Variants in CACNB2 observed in about 807,000 individuals in gnomAD.
CACNB2 encodes voltage-dependent L-type calcium channel subunit beta-2.
Under a neutral mutation model 73.3 loss-of-function variants are expected in CACNB2, and 42 were observed. That is an observed-to-expected ratio of 0.57 (90% confidence interval 0.45 to 0.74). CACNB2 has a LOEUF of 0.74. CACNB2 is among the 30% of genes least tolerant of loss of function. The probability of loss-of-function intolerance (pLI) is 0.00; values close to 1 mark genes in which losing one functional copy is unlikely to be tolerated. For missense variants in CACNB2, 940 were observed against 853.0 expected (o/e 1.10, Z -1.27); for synonymous variants, 348 against 310.3 (o/e 1.12, Z -1.28).
chr10:18,316,874 C>A (rs1218096513), intron 2 of CACNB2, among the ~76,000 whole-genome samples: 2 of 152,168 alleles, frequency 1.3e-5, no homozygotes, highest in Non-Finnish European at 2.9e-5. Context: ...ACTGTCTTAG[C>A]CCCAGCAGAC....
chr10:18,520,439 T>G (rs1319812700), intron 9 of CACNB2, among the ~76,000 whole-genome samples: 1 of 152,204 alleles, frequency 6.6e-6, no homozygotes, highest in Non-Finnish European at 1.5e-5. Flanking sequence ...CTTCATCTCT[T>G]CCCTGGATTG....
chr10:18,448,479 T>TAAAAAA (rs56255761), intron 3 of CACNB2, among the ~76,000 whole-genome samples: 59 of 106,882 alleles, frequency 5.5e-4, no homozygotes, highest in Middle Eastern at 5.4e-3. Context: ...CTCTCTCATT[T>TAAAAAA]AAAAAAAAAA....
chr10:18,220,144 T>TATAC lies in CACNB2; in HGVS notation c.213+69172_213+69173insCATA, dbSNP rs1554772278. Reference sequence around the variant, plus strand: ...ATATATATATATATATATATATATATATATATATATACACACACACACACA... The same window carrying TATAC: ...ATATATATATATATATATATATATATATACATATATATATACACACACACACACA... On this transcript the variant is annotated intron_variant, in intron 2 of 13. Transcript: ENST00000324631. Among the ~76,000 whole-genome samples the TATAC allele has an allele frequency of 3.9e-4, 15 of 38,950 alleles. 1 individual carries two copies. Among genetic ancestry groups the TATAC allele is most frequent in the Non-Finnish European group, 4.7e-4 (12 of 25,514 alleles). 25.6% of individuals were successfully genotyped at this position (38,950 alleles called of 152,430 possible). A position where few individuals can be genotyped will look rare whatever the true frequency, so the allele number is the denominator to read the frequency against.
intron 2 of CACNB2, among the ~76,000 whole-genome samples, chr10:18,350,290 A>T (rs1256381505): frequency 6.6e-6 from 1 of 152,156 alleles, no homozygotes; most frequent in Non-Finnish European, 1.5e-5. Context: ...AATAATTCTC[A>T]TAACAACCCA....
At chr10:18,307,594 G>C (rs2039784973) in intron 2 of CACNB2, among the ~76,000 whole-genome samples, 2 of 152,258 alleles carry the variant, frequency 1.3e-5, no homozygotes, top group Non-Finnish European at 2.9e-5. Flanking sequence ...TTCATACCAA[G>C]TTCCCAGCAC....
At chr10:18,468,607 A>G (rs1158940208) in intron 3 of CACNB2, among the ~76,000 whole-genome samples, 1 of 151,792 alleles carries the variant, frequency 6.6e-6, no homozygotes, top group Non-Finnish European at 1.5e-5. Flanking sequence ...GTTTTGTTTT[A>G]TTTTGTTTTG....
chr10:18,250,180 C>T (rs1331914035), intron 2 of CACNB2, among the ~76,000 whole-genome samples: 1 of 152,184 alleles, frequency 6.6e-6, no homozygotes, highest in Admixed American at 6.5e-5. Flanking sequence ...TCTGTGTTTC[C>T]TCATTAGCTC....
intron 2 of CACNB2, among the ~76,000 whole-genome samples, chr10:18,282,710 T>C (rs955808890): frequency 1.3e-5 from 2 of 152,196 alleles, no homozygotes; most frequent in African/African-American, 2.4e-5. Flanking sequence ...TGTGTTTTTT[T>C]CCTTTTATTG....
intron 3 of CACNB2, among the ~76,000 whole-genome samples, chr10:18,472,038 C>G (rs1348561098): frequency 1.3e-5 from 2 of 152,180 alleles, no homozygotes; most frequent in East Asian, 1.9e-4. Flanking sequence ...AGTCATCTCT[C>G]TGGCTCCTTC....
chr10:18,261,026 A>G (rs2037511999), intron 2 of CACNB2: 5 of 1,381,812 alleles, frequency 3.6e-6, no homozygotes, highest in Admixed American at 3.0e-5. Context: ...ACCCCCTTGA[A>G]GAAGATCTCA....
At chr10:18,339,952 T>A (rs191969472) in intron 2 of CACNB2, among the ~76,000 whole-genome samples, 9 of 152,308 alleles carry the variant, frequency 5.9e-5, no homozygotes, top group South Asian at 4.1e-4. Context: ...TCAGATTTTT[T>A]AAAAATATTT....
At chr10:18,150,855 C>CTTTTTT (rs71402148) in intron 1 of CACNB2, 28 bp from the exon 2 acceptor site, 6,207 of 483,102 alleles carry the variant, frequency 0.013, 795 homozygotes, top group Admixed American at 0.015. Flanking sequence ...TCTTATTTGT[C>CTTTTTT]TTTTTTTTTT....
intron 3 of CACNB2, among the ~76,000 whole-genome samples, chr10:18,472,591 C>T (rs1285095179): frequency 6.6e-6 from 1 of 152,168 alleles, no homozygotes; most frequent in Non-Finnish European, 1.5e-5. Flanking sequence ...TAAAAGCCAC[C>T]TCCTTAGCCT....
intron 2 of CACNB2, among the ~76,000 whole-genome samples, chr10:18,336,800 G>A (rs1295110595): frequency 6.6e-6 from 1 of 152,106 alleles, no homozygotes; most frequent in Non-Finnish European, 1.5e-5. Context: ...CATAATAAAT[G>A]CTGAGTTAAA....
intron 2 of CACNB2, among the ~76,000 whole-genome samples, chr10:18,360,400 T>G (rs1243583502): frequency 2.0e-5 from 3 of 152,102 alleles, no homozygotes; most frequent in African/African-American, 7.2e-5. Context: ...GCTAATTTTG[T>G]TTTTTGTAGG....
At chr10:18,521,796 A>G (rs1589664784) in intron 9 of CACNB2, among the ~76,000 whole-genome samples, 5 of 152,202 alleles carry the variant, frequency 3.3e-5, no homozygotes, top group Admixed American at 3.3e-4. Context: ...GGGCTAGTGT[A>G]TATTTCTGTA....
chr10:18,335,424 GACA>G (rs921422871), intron 2 of CACNB2, among the ~76,000 whole-genome samples: 3 of 152,062 alleles, frequency 2.0e-5, no homozygotes, highest in South Asian at 4.1e-4. Flanking sequence ...AAAACAAGCA[GACA>G]ACAACAACAA....
chr10:18,499,274 C>G (rs978404023), intron 4 of CACNB2, among the ~76,000 whole-genome samples: 58 of 152,140 alleles, frequency 3.8e-4, no homozygotes, highest in African/African-American at 1.4e-3. Context: ...TAAATCGAAA[C>G]TCTTCACTGC....
At chr10:18,340,748 C>A in intron 2 of CACNB2, 1 of 1,502,432 alleles carries the variant, frequency 6.7e-7, no homozygotes, top group Non-Finnish European at 8.8e-7. Flanking sequence ...TGTGATCCGA[C>A]GAACTTTAGA....
Sources: allele counts gnomAD v4.1 joint callset (sites outside exome capture counted in the v4.1 genomes callset), GRCh38; gene constraint gnomAD v4.1.1; transcripts MANE v1.5; gene names NCBI Gene and HGNC (gene_info 2026-07-23, HGNC 2026-07-21).